DHX32: variants seen among roughly 807,000 people sequenced by gnomAD.
DHX32 encodes the protein putative pre-mRNA-splicing factor ATP-dependent RNA helicase DHX32.
DHX32 carries 51 observed loss-of-function variants against 70.0 expected under a neutral mutation model. The ratio of observed to expected loss-of-function variants is 0.73; its 90% confidence interval spans 0.58 to 0.92. The LOEUF is 0.92. Among genes scored for constraint, DHX32 ranks in the 40% least tolerant of loss-of-function variants. The probability of loss-of-function intolerance (pLI) is 0.00; values close to 1 mark genes in which losing one functional copy is unlikely to be tolerated. For synonymous variants in DHX32, 310 were observed against 315.3 expected, an observed-to-expected ratio of 0.98 and a Z score of 0.18; for missense variants, 762 against 891.8, an observed-to-expected ratio of 0.85 and a Z score of 1.85.
intron 1 of DHX32, among the ~76,000 whole-genome samples, chr10:125,888,393 A>G (rs1475637562): frequency 2.6e-5 from 4 of 152,000 alleles, no homozygotes; most frequent in African/African-American, 4.8e-5. Context: ...ATTTTTGTAG[A>G]GACAGTGTCT....
At chr10:125,885,500 T>TTGAAG (rs1456129476), upstream of DHX32, among the ~76,000 whole-genome samples, 1 of 152,110 alleles carries the variant, frequency 6.6e-6, no homozygotes, top group Middle Eastern at 3.2e-3. Context: ...GATGCAATGT[T>TTGAAG]GTGGGCTTTG....
rs1944219855 is a variant in DHX32, at chr10:125,866,300, C to G, written c.476+690G>C. ...TTTTCCTTTTTTTTCTTCTTTCAAG[C>G]TCTTGGAAATCCTTCTTCAAAGGAA... On this transcript the variant is annotated intron_variant, in intron 2 of 10. Transcript: ENST00000284690. The surrounding 1 kb of genome is among the most constrained non-coding windows in gnomAD (Gnocchi z 4.8). Among the ~76,000 whole-genome samples, 2 of 152,148 alleles carry G rather than the reference C, an allele frequency of 1.3e-5. No individual in the cohort carries two copies. The highest frequency in any genetic ancestry group is 4.8e-5 in the African/African-American group (2 of 41,426).
At chr10:125,842,801 A>C in intron 6 of DHX32, 1 of 951,598 alleles carries the variant, frequency 1.1e-6, no homozygotes, top group South Asian at 4.9e-5. Context: ...TAAAGATAGC[A>C]AGCTGATTCT....
chr10:125,852,480 A>G, intron 5 of DHX32, 29 bp from the exon 6 acceptor site: 3 of 1,613,746 alleles, frequency 1.9e-6, no homozygotes, highest in Admixed American at 1.7e-5. Flanking sequence ...AATGGCTTTA[A>G]TATTTCTGGG....
At chr10:125,858,615 A>G (rs1457597138) in intron 3 of DHX32, among the ~76,000 whole-genome samples, 1 of 152,222 alleles carries the variant, frequency 6.6e-6, no homozygotes, top group African/African-American at 2.4e-5. Context: ...ATGTTCAAGA[A>G]AAGGCTCTGA....
At chr10:125,876,252 C>A (rs960168645) in intron 1 of DHX32, among the ~76,000 whole-genome samples, 1 of 152,206 alleles carries the variant, frequency 6.6e-6, no homozygotes, top group Non-Finnish European at 1.5e-5. Context: ...TCCAAATTGA[C>A]AAAGAGGCTG....
At chr10:125,868,011 GATA>G (rs1375758832) in intron 1 of DHX32, among the ~76,000 whole-genome samples, 3 of 151,928 alleles carry the variant, frequency 2.0e-5, no homozygotes, top group Non-Finnish European at 4.4e-5. Flanking sequence ...ACATTTCTCT[GATA>G]ATAAAAGCTA....
chr10:125,854,416 T>C, intron 3 of DHX32: 1 of 381,382 alleles, frequency 2.6e-6, no homozygotes, highest in Non-Finnish European at 4.5e-6. Context: ...TTATATTGTT[T>C]TCCCATTTAA....
intron 1 of DHX32, among the ~76,000 whole-genome samples, chr10:125,886,359 C>T (rs1355803339): frequency 6.6e-6 from 1 of 152,208 alleles, no homozygotes; most frequent in African/African-American, 2.4e-5. Flanking sequence ...CACCACCTAA[C>T]ATAATGTATA....
intron 6 of DHX32, among the ~76,000 whole-genome samples, chr10:125,846,428 GTTGGT>G (rs1944021571): frequency 6.6e-6 from 1 of 152,188 alleles, no homozygotes; most frequent in Non-Finnish European, 1.5e-5. Flanking sequence ...TATGTTTGGT[GTTGGT>G]TCATGATTTC....
rs1944175337 is a variant in DHX32, at chr10:125,859,947, C to T, written c.505G>A (p.Glu169Lys). 3 of 1,606,588 alleles carry T rather than the reference C, an allele frequency of 1.9e-6. No homozygotes were observed. The highest frequency in any genetic ancestry group is 2.5e-6 in the Non-Finnish European group (3 of 1,176,842). Residue 169 changes from glutamate (E) to lysine (K), a missense_variant, in exon 3 of 11, where the codon GAA (glutamate) becomes AAA (lysine). Glu to Lys is a moderately conservative substitution (Grantham distance 56). Coordinates refer to ENST00000284690, the MANE Select transcript of DHX32 (RefSeq NM_018180.3). The stretch of plus-strand genomic sequence containing the variant: ...CCCAAAAAAGGATTGGACATCATTT[C>T]TCTTTGCAGCATATCATCAGTACAA... ...RYCTDDMLQR[E>K]MMSNPFLGSY...
intron 6 of DHX32, 65 bp from the exon 7 acceptor site, chr10:125,841,999 G>A: frequency 6.8e-7 from 1 of 1,461,794 alleles, no homozygotes; most frequent in Admixed American, 2.8e-5. Flanking sequence ...ACAGGTACTG[G>A]ACTTTTCCCT....
chr10:125,836,985 T>C (rs555335198), intron 10 of DHX32, 130 bp from the exon 11 acceptor site: 144 of 741,412 alleles, frequency 1.9e-4, no homozygotes, highest in Non-Finnish European at 2.6e-4. Context: ...TGAACTCAGA[T>C]AGTATCTCAG....
rs767850600 is a variant in DHX32 at position 125,852,264 on chromosome 10, G to T, written c.1351+29C>A. ...AGGAGAAGGTGAATCTCAGCCTAAT[G>T]CCTGGCTGACATGGGAGCATAAGGC... On this transcript the variant is annotated intron_variant, in intron 6 of 10. Coordinates refer to ENST00000284690, the MANE Select transcript of DHX32 (RefSeq NM_018180.3). The T allele has an allele frequency of 5.0e-6, 8 of 1,608,550 alleles. No individual in the cohort carries two copies. The African/African-American group carries it at 8.0e-5, about 16-fold the overall frequency.
At chr10:125,838,105 G>T (rs1189477631) in intron 10 of DHX32, 101 bp downstream of exon 10, 1 of 1,135,570 alleles carries the variant, frequency 8.8e-7, no homozygotes, top group Non-Finnish European at 1.2e-6. Context: ...GATTGCATCA[G>T]TATAAACTTT....
At chr10:125,872,883 G>A (rs1589716162) in intron 1 of DHX32, among the ~76,000 whole-genome samples, 2 of 152,320 alleles carry the variant, frequency 1.3e-5, no homozygotes, top group Admixed American at 1.3e-4. Context: ...TAGGTAAGAG[G>A]AGTCCTCCGG....
Position 125,858,782 on chromosome 10 carries a change from G to T in DHX32, c.849+821C>A, listed in dbSNP as rs142144972. 5.3e-4 allele frequency among the ~76,000 whole-genome samples: 81 copies of T among 152,184 alleles called. 2 individuals are homozygous for T. In the East Asian group the frequency reaches 0.014, roughly 27 times the overall value. ...CTGTGGGAGAAGACAGGGAAAAAAG[G>T]CCAGGCAATTAGTCTCCATGAAGAG... is the stretch of plus-strand genomic sequence containing the variant. On this transcript the variant is annotated intron_variant, in intron 3 of 10. Coordinates refer to ENST00000284690, the MANE Select transcript of DHX32 (RefSeq NM_018180.3).
At chr10:125,871,958 G>A (rs1441835377) in intron 1 of DHX32, among the ~76,000 whole-genome samples, 3 of 151,436 alleles carry the variant, frequency 2.0e-5, no homozygotes, top group Non-Finnish European at 4.4e-5. Flanking sequence ...CGCCTCCCGG[G>A]TTCAAGCAAT....
intron 1 of DHX32, among the ~76,000 whole-genome samples, chr10:125,868,818 A>G (rs548004022): frequency 6.6e-6 from 1 of 151,974 alleles, no homozygotes; most frequent in Admixed American, 6.6e-5. Context: ...TCAAGTTTGA[A>G]CTCTGGTGTC....
Sources: gnomAD v4.1 joint callset for allele counts (sites outside exome capture counted in the v4.1 genomes callset) on GRCh38, gnomAD v4.1.1 for gene constraint, Gnocchi (gnomAD v3.1) non-coding constraint, MANE v1.5 for transcripts, NCBI Gene and HGNC (gene_info 2026-07-23, HGNC 2026-07-21) for gene names.